Variants in NIPSNAP3B observed in about 807,000 individuals in gnomAD.
The protein encoded by NIPSNAP3B is nipsnap homolog 3B.
A neutral mutation model predicts 31.5 loss-of-function variants in NIPSNAP3B; 30 were observed. The ratio of observed to expected loss-of-function variants is 0.95; its 90% CI spans 0.71 to 1.29. The LOEUF is 1.29. Among genes scored for constraint, NIPSNAP3B ranks in the 50% most tolerant of loss-of-function variants. The pLI is 0.00. For missense variants in NIPSNAP3B, 269 were observed against 300.7 expected (o/e 0.89, Z 0.78); for synonymous variants, 106 against 107.9 (o/e 0.98, Z 0.11).
the NIPSNAP3B span, chr9:104,784,607 G>A: frequency 2.1e-6 from 2 of 956,128 alleles, no homozygotes; most frequent in Non-Finnish European, 3.1e-6. Context: ...GTGAAGGAGG[G>A]AAGAATACTT....
chr9:104,784,690 C>A, the NIPSNAP3B span, among the ~76,000 whole-genome samples: 1 of 152,196 alleles, frequency 6.6e-6, no homozygotes, highest in African/African-American at 2.4e-5. Context: ...TGTCCCCAGG[C>A]TGGAGTGCAG....
chr9:104,772,909 G>GT lies in NIPSNAP3B; in HGVS notation c.667+2dup, dbSNP rs1564059393. The GT allele has an allele frequency of 1.2e-6, 2 of 1,613,638 alleles. No homozygotes were observed. Among genetic ancestry groups the GT allele is most frequent in the Non-Finnish European group, 1.7e-6 (2 of 1,179,824 alleles). ...GAGGATCCCAGAGTTGTGGCGGCTG[G>GT]TAAGCTGTTTCACTAAGCACGAATT... On this transcript the variant is annotated splice_donor_variant, in intron 5 of 5. Coordinates refer to ENST00000374762, the MANE Select transcript of NIPSNAP3B (RefSeq NM_018376.4). LOFTEE classifies it high-confidence loss of function.
intron 4 of NIPSNAP3B, among the ~76,000 whole-genome samples, chr9:104,772,462 G>A (rs1588169327): frequency 6.6e-6 from 1 of 152,064 alleles, no homozygotes; most frequent in Non-Finnish European, 1.5e-5. Context: ...AGGCAGTTAA[G>A]ATTATACTAA....
chr9:104,777,998 T>C (rs117175701), downstream of NIPSNAP3B, among the ~76,000 whole-genome samples: 855 of 152,284 alleles, frequency 5.6e-3, 4 homozygotes, highest in Non-Finnish European at 9.3e-3. Context: ...CTCAGCAATG[T>C]TGGACATAAT....
At chr9:104,787,350 T>C in the NIPSNAP3B span, among the ~76,000 whole-genome samples, 1 of 145,996 alleles carries the variant, frequency 6.8e-6, no homozygotes, top group African/African-American at 2.5e-5. Flanking sequence ...GTGAAATTCC[T>C]TTTTTTTTTT....
intron 1 of NIPSNAP3B, among the ~76,000 whole-genome samples, chr9:104,764,600 C>T (rs1254517522): frequency 1.3e-5 from 2 of 152,118 alleles, no homozygotes; most frequent in Non-Finnish European, 2.9e-5. Flanking sequence ...AGTGCAGTGG[C>T]GTAGTCTCGG....
chr9:104,788,382 A>T, the NIPSNAP3B span: 3 of 1,613,848 alleles, frequency 1.9e-6, no homozygotes, highest in Non-Finnish European at 2.5e-6. Context: ...ATATATTGTC[A>T]GGATGCCAAA....
chr9:104,786,383 C>T, the NIPSNAP3B span: 3 of 1,614,062 alleles, frequency 1.9e-6, no homozygotes, highest in Non-Finnish European at 2.5e-6. Context: ...GCTTCACATT[C>T]TTCCATACTG....
chr9:104,764,324 G>A (rs752826170), intron 1 of NIPSNAP3B, 24 bp downstream of exon 1: 2 of 1,562,950 alleles, frequency 1.3e-6, no homozygotes, highest in Admixed American at 3.8e-5. Context: ...GGGCGCGCCC[G>A]AGCCCTGGCC....
chr9:104,772,068 T>A (rs1384485798), intron 4 of NIPSNAP3B, among the ~76,000 whole-genome samples: 1 of 152,208 alleles, frequency 6.6e-6, no homozygotes, highest in Non-Finnish European at 1.5e-5. Flanking sequence ...TACTTTTTAA[T>A]GGGATTCTTT....
chr9:104,777,940 T>C (rs556863750), downstream of NIPSNAP3B, among the ~76,000 whole-genome samples: 1 of 152,340 alleles, frequency 6.6e-6, no homozygotes, highest in South Asian at 2.1e-4. Flanking sequence ...TCTTAACAAA[T>C]TCAATAGCCA....
Position 104,771,032 on chromosome 9 carries a change from T to C in NIPSNAP3B, c.580+34T>C, listed in dbSNP as rs747733655. On this transcript the variant is annotated intron_variant, in intron 4 of 5. Transcript: ENST00000374762. Reference sequence around the variant, plus strand: ...GTCCATTTGTTCTATGAAGTTGCCATGTGTATTAGATCAGTTCGTCTCTCT... The same window carrying C: ...GTCCATTTGTTCTATGAAGTTGCCACGTGTATTAGATCAGTTCGTCTCTCT... 3.1e-6 allele frequency: 5 copies of C among 1,603,410 alleles called. No individual in the cohort carries two copies. In the Admixed American group the frequency reaches 6.7e-5, roughly 21 times the overall value.
In NIPSNAP3B at chr9:104,773,070, A is replaced by G; in HGVS notation, c.741A>G (p.Lys247=). ...LLIPASFSPL[K] ...TTCCTGCATCATTTTCACCATTGAA[A>G]TAGTTTTCTACTGAAATACAAAACA... is the stretch of plus-strand genomic sequence containing the variant. Residue 247 remains lysine (K), a synonymous_variant, in exon 6 of 6, where the codon AAA becomes AAG. Transcript: ENST00000374762. 1 of 1,613,668 alleles carries G rather than the reference A, an allele frequency of 6.2e-7. No homozygotes were observed. The highest frequency in any genetic ancestry group is 1.3e-5 in the African/African-American group (1 of 75,038).
At chr9:104,767,357 T>C (rs1828110659) in intron 2 of NIPSNAP3B, among the ~76,000 whole-genome samples, 1 of 152,078 alleles carries the variant, frequency 6.6e-6, no homozygotes, top group Admixed American at 6.5e-5. Context: ...CCTGGTTTAG[T>C]AGAGGAAAGA....
chr9:104,781,526 G>A (rs1263206237), downstream of NIPSNAP3B: 1 of 152,478 alleles, frequency 6.6e-6, no homozygotes, highest in African/African-American at 2.4e-5. Flanking sequence ...AGAAAACACA[G>A]ACAAATGGCT....
At chr9:104,787,360 T>A in the NIPSNAP3B span, among the ~76,000 whole-genome samples, 2 of 152,100 alleles carry the variant, frequency 1.3e-5, no homozygotes, top group Non-Finnish European at 2.9e-5. Context: ...TTTTTTTTTT[T>A]AATTCCAGCT....
the NIPSNAP3B span, chr9:104,784,056 C>T: frequency 1.4e-5 from 6 of 424,122 alleles, no homozygotes; most frequent in Non-Finnish European, 2.1e-5. Flanking sequence ...AATAGAGTTT[C>T]ACATAGGTAT....
chr9:104,790,480 A>G, the NIPSNAP3B span, among the ~76,000 whole-genome samples: 1 of 152,194 alleles, frequency 6.6e-6, no homozygotes, highest in South Asian at 2.1e-4. Flanking sequence ...TATTCATAAT[A>G]CACTCATTAA....
intron 4 of NIPSNAP3B, among the ~76,000 whole-genome samples, chr9:104,771,821 T>C (rs1192530469): frequency 2.0e-5 from 3 of 152,198 alleles, no homozygotes; most frequent in African/African-American, 7.2e-5. Flanking sequence ...TCCATAATGG[T>C]TGAACTAATT....
Sources: gnomAD v4.1 joint callset for allele counts (sites outside exome capture counted in the v4.1 genomes callset) on GRCh38, gnomAD v4.1.1 for gene constraint, MANE v1.5 for transcripts, NCBI Gene and HGNC (gene_info 2026-07-23, HGNC 2026-07-21) for gene names.